Variants in FBXL17 observed in about 807,000 individuals in gnomAD.
FBXL17 encodes F-box and leucine rich repeat protein 17.
FBXL17 carries 22 observed loss-of-function variants against 66.2 expected under a neutral mutation model. The observed-to-expected ratio is 0.33, with a 90% CI of 0.24 to 0.47. FBXL17 has a LOEUF of 0.47. FBXL17 is among the 20% of genes least tolerant of loss of function. The probability of loss-of-function intolerance (pLI) is 1.00; values close to 1 mark genes in which losing one functional copy is unlikely to be tolerated. For missense variants in FBXL17, 878 were observed against 948.2 expected (o/e 0.93, Z 0.97); for synonymous variants, 474 against 400.5 (o/e 1.18, Z -2.19).
intron 6 of FBXL17, among the ~76,000 whole-genome samples, chr5:108,059,680 A>G (rs896267944): frequency 6.6e-6 from 1 of 152,236 alleles, no homozygotes; most frequent in Non-Finnish European, 1.5e-5. Flanking sequence ...AATTTTGACC[A>G]CGAAATGTTT....
Position 108,024,470 on chromosome 5 carries a change from C to T in FBXL17, c.1746-3469G>A, listed in dbSNP as rs1219875761. ...TATATCATCATTCTCTACAAGATAA[C>T]TCCATATGAAAAAGTTATCCAAATC... On this transcript the variant is annotated intron_variant, in intron 6 of 8. Coordinates refer to ENST00000542267, the MANE Select transcript of FBXL17 (RefSeq NM_001163315.3). Among the ~76,000 whole-genome samples, 3 of 152,116 alleles carry T rather than the reference C, an allele frequency of 2.0e-5. No individual in the cohort carries two copies. The East Asian group carries it at 5.8e-4, about 29-fold the overall frequency.
chr5:107,926,691 A>G (rs1262965704), intron 7 of FBXL17, among the ~76,000 whole-genome samples: 7 of 151,866 alleles, frequency 4.6e-5, no homozygotes, highest in Non-Finnish European at 8.8e-5. Context: ...TTTTTTCATT[A>G]AAAAAGATAA....
chr5:107,871,428 T>C (rs1748449955), intron 8 of FBXL17, among the ~76,000 whole-genome samples: 1 of 152,162 alleles, frequency 6.6e-6, no homozygotes, highest in South Asian at 2.1e-4. Flanking sequence ...AATTAAAGAT[T>C]AGTGTGACAG....
intron 6 of FBXL17, among the ~76,000 whole-genome samples, chr5:108,103,471 C>A (rs1298059134): frequency 6.6e-6 from 1 of 152,122 alleles, no homozygotes; most frequent in African/African-American, 2.4e-5. Flanking sequence ...TGGATCCTAT[C>A]GCTGCTATCG....
chr5:108,316,414 T>C (rs1189777651), intron 4 of FBXL17, among the ~76,000 whole-genome samples: 1 of 151,436 alleles, frequency 6.6e-6, no homozygotes, highest in Non-Finnish European at 1.5e-5. Flanking sequence ...ATATTAAACC[T>C]AAAAGACACT....
intron 6 of FBXL17, among the ~76,000 whole-genome samples, chr5:108,073,649 A>G (rs1047294908): frequency 6.6e-6 from 1 of 152,154 alleles, no homozygotes; most frequent in African/African-American, 2.4e-5. Flanking sequence ...TACACTATAA[A>G]CAAGTTTCCC....
chr5:108,020,691 T>C (rs1376613762), intron 7 of FBXL17: 3 of 340,418 alleles, frequency 8.8e-6, no homozygotes, highest in African/African-American at 6.3e-5. Context: ...TGTGCAAACA[T>C]ACATGTGTGC....
intron 6 of FBXL17, among the ~76,000 whole-genome samples, chr5:108,083,532 C>T (rs1108067): frequency 0.34 from 51,835 of 151,542 alleles, 9,107 homozygotes; most frequent in Admixed American, 0.42. Context: ...TCCTGATTAG[C>T]TGGGACACAG....
intron 8 of FBXL17, chr5:107,879,630 G>A: frequency 2.0e-6 from 2 of 985,444 alleles, no homozygotes; most frequent in Non-Finnish European, 2.4e-6. Context: ...AAGGACACAA[G>A]AGCTTTGGGC....
chr5:108,293,087 CAA>C (rs59553057), intron 4 of FBXL17, among the ~76,000 whole-genome samples: 1 of 116,478 alleles, frequency 8.6e-6, no homozygotes, highest in Non-Finnish European at 1.8e-5. Context: ...GACTCTGTCT[CAA>C]AAAAAAAACA....
intron 7 of FBXL17, among the ~76,000 whole-genome samples, chr5:107,959,144 T>C (rs1261295171): frequency 6.6e-6 from 1 of 152,042 alleles, no homozygotes; most frequent in Admixed American, 6.6e-5. Context: ...GTTCTCCTCA[T>C]AGGTGGGGGC....
rs962481788 is a variant in FBXL17 at position 108,110,747 on chromosome 5, C to CA, written c.1745+75369dup. Among the ~76,000 whole-genome samples, 414 of 144,358 alleles carry CA rather than the reference C, an allele frequency of 2.9e-3. 1 individual carries two copies. The highest frequency in any genetic ancestry group is 7.6e-3 in the African/African-American group (300 of 39,442). 94.7% of individuals were successfully genotyped at this position (144,358 alleles called of 152,430 possible). On this transcript the variant is annotated intron_variant, in intron 6 of 8. Coordinates refer to ENST00000542267, the MANE Select transcript of FBXL17 (RefSeq NM_001163315.3). Reference sequence around the variant, plus strand: ...CTTTCTTTTTCAGTATATTAGCATGCAAAAAAAAAAGGGGCGAATTTGTGC... The same window carrying CA: ...CTTTCTTTTTCAGTATATTAGCATGCAAAAAAAAAAAGGGGCGAATTTGTGC...
chr5:107,878,987 G>A (rs573941784), intron 8 of FBXL17: 1 of 985,444 alleles, frequency 1.0e-6, no homozygotes, highest in Admixed American at 6.1e-5. Flanking sequence ...AAAACCCTCA[G>A]GGATACAGCT....
At chr5:108,255,700 T>C (rs1255677069) in intron 4 of FBXL17, among the ~76,000 whole-genome samples, 2 of 152,138 alleles carry the variant, frequency 1.3e-5, no homozygotes, top group Admixed American at 6.6e-5. Flanking sequence ...GGTGATCTGG[T>C]TCCTATTTCA....
intron 6 of FBXL17, among the ~76,000 whole-genome samples, chr5:108,151,915 C>T (rs1037913800): frequency 3.3e-5 from 5 of 152,132 alleles, no homozygotes; most frequent in African/African-American, 1.2e-4. Context: ...TAAATGATTC[C>T]TTCTTCCACA....
At chr5:108,379,232 G>C (rs922538239) in intron 1 of FBXL17, among the ~76,000 whole-genome samples, 7 of 151,808 alleles carry the variant, frequency 4.6e-5, no homozygotes, top group East Asian at 3.9e-4. Flanking sequence ...CTTTGTTTTG[G>C]TTCATTTTGA....
chr5:107,862,252 G>A (rs986478643), intron 8 of FBXL17, among the ~76,000 whole-genome samples: 2 of 151,766 alleles, frequency 1.3e-5, no homozygotes, highest in Non-Finnish European at 2.9e-5. Context: ...CAAAAATTGT[G>A]GAATGCCGGA....
At chr5:108,118,116 T>C (rs187178609) in intron 6 of FBXL17, among the ~76,000 whole-genome samples, 35 of 152,282 alleles carry the variant, frequency 2.3e-4, no homozygotes, top group African/African-American at 6.3e-4. Context: ...CCAAAGCCAC[T>C]GTTTGTGCTT....
chr5:108,206,987 T>C (rs1380744520), intron 5 of FBXL17, among the ~76,000 whole-genome samples: 1 of 152,148 alleles, frequency 6.6e-6, no homozygotes, highest in Non-Finnish European at 1.5e-5. Context: ...ATTCTCACAA[T>C]GTGTAAAATT....
Sources: allele counts gnomAD v4.1 joint callset (sites outside exome capture counted in the v4.1 genomes callset), GRCh38; gene constraint gnomAD v4.1.1; transcripts MANE v1.5; gene names NCBI Gene and HGNC (gene_info 2026-07-23, HGNC 2026-07-21).